The following LARS1 variants were observed in gnomAD, a reference collection of about 807,000 sequenced individuals.
LARS1 encodes leucine--tRNA ligase, cytoplasmic.
LARS1 carries 100 observed loss-of-function variants against 162.8 expected under a neutral mutation model. The ratio of observed to expected loss-of-function variants is 0.61; its 90% confidence interval spans 0.52 to 0.73. The LOEUF is 0.73. LARS1 is among the 30% of genes least tolerant of loss of function. The pLI is 0.00. For synonymous variants in LARS1, 457 were observed against 462.8 expected (o/e 0.99, Z 0.16); for missense variants, 1,258 against 1,408.9 (o/e 0.89, Z 1.71).
intron 1 of LARS1, among the ~76,000 whole-genome samples, chr5:146,181,850 T>TTTC (rs1394347941): frequency 3.7e-5 from 2 of 53,954 alleles, no homozygotes; most frequent in Non-Finnish European, 7.6e-5. Context: ...AATTTTTTCT[T>TTTC]TTTTTTTTTT....
chr5:146,130,069 G>C lies in LARS1; in HGVS notation c.2577C>G (p.Leu859=), dbSNP rs370418485. The change falls in exon 25 of 32, where the codon CTC becomes CTG. Residue 859 remains leucine, a synonymous_variant. Coordinates refer to ENST00000394434, the MANE Select transcript of LARS1 (RefSeq NM_020117.11). ...CACACAAATGTGGACAGAATGGAGC[G>C]AGGAGAAGTGTCTGAACTTCAATAA... The part of the protein sequence containing the change: ...FRFIEVQTLL[L]APFCPHLCEH... 1 of 1,613,810 alleles carries C rather than the reference G, an allele frequency of 6.2e-7. No homozygotes were observed. Among genetic ancestry groups the C allele is most frequent in the Non-Finnish European group, 8.5e-7 (1 of 1,179,852 alleles).
At chr5:146,145,211 G>A (rs1402799253) in intron 15 of LARS1, among the ~76,000 whole-genome samples, 1 of 152,026 alleles carries the variant, frequency 6.6e-6, no homozygotes, top group East Asian at 1.9e-4. Flanking sequence ...AGCCTCCTGA[G>A]TAGCTGGGAC....
intron 1 of LARS1, chr5:146,182,256 A>T (rs1754904813): frequency 3.4e-6 from 2 of 589,866 alleles, no homozygotes; most frequent in Non-Finnish European, 6.0e-6. Flanking sequence ...CCTCGATTTT[A>T]GAAACTCCAG....
intron 15 of LARS1, among the ~76,000 whole-genome samples, chr5:146,146,622 A>T (rs1753021563): frequency 6.9e-6 from 1 of 145,884 alleles, no homozygotes; most frequent in Non-Finnish European, 1.5e-5. Context: ...GTATCATAGT[A>T]AAAATAGGGG....
rs1305141008 is a variant in LARS1, at chr5:146,177,680, G to C, written c.7-15C>G. ...CCTTTTCTTTCCTATTGGACACAAA[G>C]AGAATAATCCACTCTGTATTTCAGC... is the stretch of plus-strand genomic sequence containing the variant. On this transcript the variant is annotated splice_polypyrimidine_tract_variant and intron_variant, in intron 1 of 31. Transcript: ENST00000394434. The C allele has an allele frequency of 7.4e-7, 1 of 1,356,182 alleles. No homozygotes were observed. Among genetic ancestry groups the C allele is most frequent in the African/African-American group, 1.4e-5 (1 of 69,486 alleles). 84.0% of individuals were successfully genotyped at this position (1,356,182 alleles called of 1,614,324 possible). A position where few individuals can be genotyped will look rare whatever the true frequency, so the allele number is the denominator to read the frequency against.
chr5:146,169,824 C>T (rs1191343555), intron 4 of LARS1, among the ~76,000 whole-genome samples: 1 of 152,150 alleles, frequency 6.6e-6, no homozygotes, highest in Non-Finnish European at 1.5e-5. Context: ...GCTGGGATTA[C>T]AGGCGTGAGC....
intron 5 of LARS1, among the ~76,000 whole-genome samples, chr5:146,166,324 G>C (rs1754001485): frequency 6.6e-6 from 1 of 152,130 alleles, no homozygotes. Context: ...GCCACAGCTA[G>C]AACAATTTAT....
At chr5:146,152,803 A>G (rs1753353197) in intron 13 of LARS1, among the ~76,000 whole-genome samples, 1 of 148,030 alleles carries the variant, frequency 6.8e-6, no homozygotes, top group Admixed American at 7.0e-5. Flanking sequence ...TACAAGAAAC[A>G]TAAAACAGAG....
chr5:146,172,064 A>G, intron 3 of LARS1, 74 bp from the exon 4 acceptor site: 1 of 1,332,904 alleles, frequency 7.5e-7, no homozygotes, highest in Non-Finnish European at 1.1e-6. Context: ...TTTTCACACA[A>G]AAAAATTAGT....
At chr5:146,126,572 T>A in intron 27 of LARS1, 27 bp from the exon 28 acceptor site, 1 of 1,521,274 alleles carries the variant, frequency 6.6e-7, no homozygotes. Context: ...GGGAGAGTAA[T>A]GTAGAAAAAA....
chr5:146,130,296 TTTTAC>T (rs1752224730), intron 24 of LARS1, 138 bp from the exon 25 acceptor site: 5 of 808,814 alleles, frequency 6.2e-6, no homozygotes, highest in Non-Finnish European at 9.7e-6. Flanking sequence ...ACTGTAAAGG[TTTTAC>T]TTTAAGAATC....
chr5:146,133,984 A>G (rs1752403301), intron 22 of LARS1, among the ~76,000 whole-genome samples: 1 of 152,178 alleles, frequency 6.6e-6, no homozygotes, highest in African/African-American at 2.4e-5. Flanking sequence ...AGCTGGGATT[A>G]CAGGCATGCG....
chr5:146,170,299 T>C (rs767420448), intron 4 of LARS1, among the ~76,000 whole-genome samples: 1 of 152,008 alleles, frequency 6.6e-6, no homozygotes, highest in African/African-American at 2.4e-5. Context: ...AAACCCTGTT[T>C]ACACTAAAAA....
At chr5:146,163,784 C>T (rs1753882897) in intron 6 of LARS1, among the ~76,000 whole-genome samples, 1 of 152,230 alleles carries the variant, frequency 6.6e-6, no homozygotes, top group Non-Finnish European at 1.5e-5. Context: ...TGCCTTTCAA[C>T]ATGCCTTCCT....
intron 20 of LARS1, 140 bp downstream of exon 20, chr5:146,142,732 G>T: frequency 1.5e-6 from 1 of 666,208 alleles, no homozygotes; most frequent in Non-Finnish European, 2.5e-6. Flanking sequence ...TTCTGCTTTA[G>T]TACATATTTA....
chr5:146,125,359 T>A (rs900073450), intron 28 of LARS1, among the ~76,000 whole-genome samples: 1 of 151,994 alleles, frequency 6.6e-6, no homozygotes, highest in African/African-American at 2.4e-5. Context: ...ACTAATCTAT[T>A]ATAATATTGA....
At chr5:146,161,538 A>G (rs35185759) in intron 6 of LARS1, among the ~76,000 whole-genome samples, 33,866 of 151,948 alleles carry the variant, frequency 0.22, 4,838 homozygotes, top group Admixed American at 0.34. Flanking sequence ...AGACCAGCCT[A>G]ACCAACATGG....
At chr5:146,156,960 T>G (rs1753556503) in intron 10 of LARS1, among the ~76,000 whole-genome samples, 1 of 152,196 alleles carries the variant, frequency 6.6e-6, no homozygotes, top group Admixed American at 6.5e-5. Flanking sequence ...ATCTTAATGA[T>G]ACAGTCATAC....
In LARS1 at chr5:146,113,541, A is replaced by T. The variant is rs1764068382; in HGVS notation, c.*565T>A. On this transcript the variant is annotated 3_prime_UTR_variant, in exon 32 of 32. Coordinates refer to ENST00000394434, the MANE Select transcript of LARS1 (RefSeq NM_020117.11). ...TTATTGGTTCTTAGTTGAATAATTAAAGCTTTAAAAAGTCTTATAAAATGC... is the reference window on the plus strand; with the variant it reads ...TTATTGGTTCTTAGTTGAATAATTATAGCTTTAAAAAGTCTTATAAAATGC... 6.6e-6 allele frequency: 1 copy of T among 152,450 alleles called. No homozygotes were observed. Among genetic ancestry groups the T allele is most frequent in the South Asian group, 2.1e-4 (1 of 4,840 alleles). 9.4% of individuals were successfully genotyped at this position (152,450 alleles called of 1,614,324 possible).
Sources: allele counts gnomAD v4.1 joint callset (sites outside exome capture counted in the v4.1 genomes callset), GRCh38; gene constraint gnomAD v4.1.1; transcripts MANE v1.5; gene names NCBI Gene and HGNC (gene_info 2026-07-23, HGNC 2026-07-21).